The following PDE4D variants were observed in gnomAD, a reference collection of about 807,000 sequenced individuals.
The protein encoded by PDE4D is 3',5'-cyclic-AMP phosphodiesterase 4D.
In PDE4D, 24 loss-of-function variants were observed where a neutral mutation model predicts 87.4. The ratio of observed to expected loss-of-function variants is 0.27; its 90% CI spans 0.20 to 0.39. The LOEUF (loss-of-function observed/expected upper bound fraction) is 0.39. Among genes scored for constraint, PDE4D ranks in the 10% least tolerant of loss-of-function variants. PDE4D has a pLI of 1.00. For synonymous variants in PDE4D, 384 were observed against 383.2 expected, an observed-to-expected ratio of 1.00 and a Z score of -0.02; for missense variants, 714 against 1,041.0, an observed-to-expected ratio of 0.69 and a Z score of 4.32.
At chr5:60,153,863 G>A (rs1781732382) in intron 2 of PDE4D, among the ~76,000 whole-genome samples, 1 of 152,066 alleles carries the variant, frequency 6.6e-6, no homozygotes, top group African/African-American at 2.4e-5. Flanking sequence ...CTGAGGAGGG[G>A]GAAATGAGGG....
intron 3 of PDE4D, among the ~76,000 whole-genome samples, chr5:59,186,498 CAAA>C (rs1360784142): frequency 6.6e-6 from 1 of 152,138 alleles, no homozygotes; most frequent in African/African-American, 2.4e-5. Flanking sequence ...CAAGAGTCTC[CAAA>C]GTTTTAATTG....
chr5:59,248,048 A>G (rs1442239667), intron 1 of PDE4D, among the ~76,000 whole-genome samples: 6 of 131,302 alleles, frequency 4.6e-5, no homozygotes, highest in African/African-American at 1.6e-4. Context: ...TTAGTAAAAA[A>G]AAAAAAAAAA....
intron 1 of PDE4D, among the ~76,000 whole-genome samples, chr5:60,187,163 G>C (rs1360428545): frequency 6.6e-6 from 1 of 152,196 alleles, no homozygotes; most frequent in Non-Finnish European, 1.5e-5. Flanking sequence ...TCAAATGTGA[G>C]TTGCTAAGAT....
chr5:59,750,945 C>CAAAAAA (rs34787047), intron 1 of PDE4D, among the ~76,000 whole-genome samples: 5 of 68,756 alleles, frequency 7.3e-5, no homozygotes, highest in Admixed American at 3.3e-4. Context: ...GACCCTGTCT[C>CAAAAAA]AAAAAAAAAA....
intron 2 of PDE4D, among the ~76,000 whole-genome samples, chr5:60,048,789 G>C (rs1228455339): frequency 6.6e-6 from 1 of 152,024 alleles, no homozygotes; most frequent in Non-Finnish European, 1.5e-5. Context: ...CTCTCTGGCT[G>C]CCCTTAACAT....
At chr5:59,356,737 A>T in intron 1 of PDE4D, 2 of 1,560,096 alleles carry the variant, frequency 1.3e-6, no homozygotes, top group East Asian at 4.7e-5. Flanking sequence ...CTTCCTAGCT[A>T]CAAAAGGAAA....
chr5:60,492,887 A>AT (rs1749607182), upstream of PDE4D, among the ~76,000 whole-genome samples: 1 of 151,830 alleles, frequency 6.6e-6, no homozygotes, highest in Non-Finnish European at 1.5e-5. Flanking sequence ...TACTTAAAGT[A>AT]TAAAAAAAAA....
intron 1 of PDE4D, among the ~76,000 whole-genome samples, chr5:59,714,203 CTG>C (rs909739547): frequency 6.6e-6 from 1 of 152,178 alleles, no homozygotes; most frequent in African/African-American, 2.4e-5. Context: ...CCAGGGTTGA[CTG>C]AGAGAAAATC....
chr5:59,294,937 T>C (rs1561900656), intron 1 of PDE4D, among the ~76,000 whole-genome samples: 1 of 152,184 alleles, frequency 6.6e-6, no homozygotes, highest in Non-Finnish European at 1.5e-5. Context: ...AAAGAGACTG[T>C]GGTAAGGATT....
intron 1 of PDE4D, among the ~76,000 whole-genome samples, chr5:59,597,364 C>T (rs1275265256): frequency 2.6e-5 from 4 of 152,154 alleles, no homozygotes; most frequent in African/African-American, 9.7e-5. Flanking sequence ...GTATCTACAT[C>T]TACATCCACA....
chr5:59,619,585 TG>T (rs1304009462), intron 1 of PDE4D, among the ~76,000 whole-genome samples: 1 of 152,176 alleles, frequency 6.6e-6, no homozygotes, highest in African/African-American at 2.4e-5. Flanking sequence ...CTCTGGAATA[TG>T]GGGTAACAGC....
At chr5:59,411,318 G>C (rs192384790) in intron 1 of PDE4D, among the ~76,000 whole-genome samples, 1 of 151,798 alleles carries the variant, frequency 6.6e-6, no homozygotes, top group Non-Finnish European at 1.5e-5. Flanking sequence ...GTTTCTTCTC[G>C]TCACCCTTTA....
At chr5:59,534,983 A>G (rs1814889582) in intron 1 of PDE4D, among the ~76,000 whole-genome samples, 1 of 150,116 alleles carries the variant, frequency 6.7e-6, no homozygotes. Flanking sequence ...ATTTATTAAT[A>G]TTGGGTATGA....
chr5:60,231,892 G>A (rs993187337), intron 1 of PDE4D, among the ~76,000 whole-genome samples: 1 of 151,914 alleles, frequency 6.6e-6, no homozygotes, highest in Admixed American at 6.6e-5. Flanking sequence ...TTGCATAATA[G>A]TTGTATGCCA....
rs745501592 is a variant in PDE4D at position 59,339,928 on chromosome 5, GTTGTT to G, written c.456-123965_456-123961del. On this transcript the variant is annotated intron_variant, in intron 1 of 14. Coordinates refer to ENST00000340635, the MANE Select transcript of PDE4D (RefSeq NM_001104631.2). ...CTAGAAAAATTTAGTGGGTTTTTTT[GTTGTT>G]TTGTTTTGTTTTGTTTAAAAAAAAA... Among the ~76,000 whole-genome samples the G allele has an allele frequency of 1.1e-3, 158 of 148,382 alleles. 1 individual carries two copies. The highest frequency in any genetic ancestry group is 1.7e-3 in the African/African-American group (70 of 40,260).
At chr5:59,343,275 C>T (rs1779067832) in intron 1 of PDE4D, among the ~76,000 whole-genome samples, 1 of 152,098 alleles carries the variant, frequency 6.6e-6, no homozygotes, top group South Asian at 2.1e-4. Flanking sequence ...ACTTATTCCT[C>T]TTGTCTAACT....
chr5:60,022,331 C>A (rs1766149613), intron 2 of PDE4D, among the ~76,000 whole-genome samples: 1 of 152,090 alleles, frequency 6.6e-6, no homozygotes. Context: ...AATAAAGTCA[C>A]CATATTTATT....
intron 1 of PDE4D, among the ~76,000 whole-genome samples, chr5:59,349,826 G>T (rs183957724): frequency 1.6e-3 from 243 of 152,096 alleles, no homozygotes; most frequent in Non-Finnish European, 2.6e-3. Flanking sequence ...TAGCCTGCAG[G>T]CCACCTTATA....
chr5:60,283,910 G>A (rs1752178894), intron 1 of PDE4D, among the ~76,000 whole-genome samples: 1 of 151,344 alleles, frequency 6.6e-6, no homozygotes, highest in African/African-American at 2.4e-5. Context: ...GCTCACTACT[G>A]GGAAAAAAAA....
Sources: allele counts gnomAD v4.1 joint callset (sites outside exome capture counted in the v4.1 genomes callset), GRCh38; gene constraint gnomAD v4.1.1; transcripts MANE v1.5; gene names NCBI Gene and HGNC (gene_info 2026-07-23, HGNC 2026-07-21).